The following RANBP2 variants were observed in gnomAD, a reference collection of about 807,000 sequenced individuals.
RANBP2 encodes the protein E3 SUMO-protein ligase RanBP2.
RANBP2 carries 57 observed loss-of-function variants against 303.6 expected under a neutral mutation model. The ratio of observed to expected loss-of-function variants is 0.19; its 90% CI spans 0.15 to 0.23. RANBP2 has a LOEUF of 0.23. RANBP2 is among the 10% of genes least tolerant of loss of function. The probability of loss-of-function intolerance (pLI) is 1.00; values close to 1 mark genes in which losing one functional copy is unlikely to be tolerated. For missense variants in RANBP2, 3,138 were observed against 3,780.8 expected (o/e 0.83, Z 4.46); for synonymous variants, 1,167 against 1,301.5 (o/e 0.90, Z 2.23).
Position 108,751,931 on chromosome 2 carries a change from C to A in RANBP2, c.1692C>A (p.Ala564=), listed in dbSNP as rs774713432. 3 of 1,611,852 alleles carry A rather than the reference C, an allele frequency of 1.9e-6. No individual in the cohort carries two copies. Residue 564 remains alanine (A), a synonymous_variant, in exon 12 of 29, where the codon GCC becomes GCA. Transcript: ENST00000283195. Reference sequence around the variant, plus strand: ...AGCATGAAATAAACACTCTAAGAGCCCAGGAAAAACATGGCCTTCAACCTG... The same window carrying A: ...AGCATGAAATAAACACTCTAAGAGCACAGGAAAAACATGGCCTTCAACCTG... The part of the protein sequence containing the change: ...LVQHEINTLR[A]QEKHGLQPAL...
the RANBP2 span, among the ~76,000 whole-genome samples, chr2:109,291,461 C>T: frequency 6.6e-6 from 1 of 152,132 alleles, no homozygotes; most frequent in Admixed American, 6.5e-5. Context: ...GATGGTAGGG[C>T]CAGGAGGACC....
At chr2:109,144,649 G>C in the RANBP2 span, among the ~76,000 whole-genome samples, 23 of 152,224 alleles carry the variant, frequency 1.5e-4, no homozygotes, top group Admixed American at 2.0e-4. Context: ...GATTTATTTT[G>C]GACATGACAG....
chr2:109,322,097 A>G, the RANBP2 span, among the ~76,000 whole-genome samples: 1 of 152,090 alleles, frequency 6.6e-6, no homozygotes, highest in Non-Finnish European at 1.5e-5. Flanking sequence ...AAGCGGGGAG[A>G]GGGAAAGAAT....
the RANBP2 span, among the ~76,000 whole-genome samples, chr2:109,733,557 T>C: frequency 6.6e-6 from 1 of 152,018 alleles, no homozygotes; most frequent in Admixed American, 6.6e-5. Flanking sequence ...GAATTGAAAG[T>C]TCTAGCCAGA....
At chr2:108,791,875 A>G in the RANBP2 span, 1 of 1,411,344 alleles carries the variant, frequency 7.1e-7, no homozygotes, top group Non-Finnish European at 9.5e-7. Context: ...CTTCCCTCCT[A>G]GTAATAACAC....
chr2:108,964,728 C>G, the RANBP2 span, among the ~76,000 whole-genome samples: 1 of 152,180 alleles, frequency 6.6e-6, no homozygotes, highest in Admixed American at 6.5e-5. Flanking sequence ...CTCTCCGTTA[C>G]GCCACACTCA....
the RANBP2 span, chr2:108,883,572 G>A: frequency 3.3e-5 from 5 of 152,290 alleles, no homozygotes; most frequent in African/African-American, 1.2e-4. Flanking sequence ...TTAATGAAGA[G>A]AGGATTCAGG....
chr2:109,655,944 CT>C, the RANBP2 span, among the ~76,000 whole-genome samples: 53 of 152,326 alleles, frequency 3.5e-4, no homozygotes, highest in African/African-American at 1.2e-3. Context: ...GTTTCCTCAA[CT>C]GTAAAATGAA....
At chr2:109,592,214 T>C in the RANBP2 span, among the ~76,000 whole-genome samples, 6 of 151,512 alleles carry the variant, frequency 4.0e-5, no homozygotes, top group Non-Finnish European at 7.4e-5. Context: ...CCTGTAATCC[T>C]AGCACTTTGG....
the RANBP2 span, among the ~76,000 whole-genome samples, chr2:109,050,561 A>G: frequency 1.3e-5 from 2 of 152,060 alleles, no homozygotes; most frequent in Non-Finnish European, 2.9e-5. Flanking sequence ...AGCCTTTTTT[A>G]CTTTTTAATG....
At chr2:109,449,135 C>A in the RANBP2 span, 1 of 1,599,202 alleles carries the variant, frequency 6.3e-7, no homozygotes, top group Non-Finnish European at 8.5e-7. Context: ...GCAAACTAAC[C>A]TTTCAACCTG....
chr2:108,839,016 A>G, the RANBP2 span: 1 of 241,628 alleles, frequency 4.1e-6, no homozygotes, highest in African/African-American at 2.3e-5. Flanking sequence ...GAACTAAAAT[A>G]CATATTGCCA....
the RANBP2 span, among the ~76,000 whole-genome samples, chr2:108,831,734 TTCCG>T: frequency 2.0e-5 from 3 of 151,858 alleles, no homozygotes; most frequent in Non-Finnish European, 4.4e-5. Flanking sequence ...CCTTCCTTCC[TTCCG>T]TCCTTCCTGT....
chr2:109,058,188 G>T, the RANBP2 span, among the ~76,000 whole-genome samples: 1 of 152,206 alleles, frequency 6.6e-6, no homozygotes, highest in Non-Finnish European at 1.5e-5. Flanking sequence ...CTGCATGCAG[G>T]TTGAGCAGCT....
the RANBP2 span, among the ~76,000 whole-genome samples, chr2:109,062,349 G>T: frequency 6.6e-6 from 1 of 152,170 alleles, no homozygotes; most frequent in South Asian, 2.1e-4. Context: ...AGGGAGTAAG[G>T]CTGGAATGGA....
At chr2:109,278,441 G>C in the RANBP2 span, among the ~76,000 whole-genome samples, 1 of 152,186 alleles carries the variant, frequency 6.6e-6, no homozygotes, top group South Asian at 2.1e-4. Context: ...AGTGTTGTCT[G>C]TTCAGCTAAA....
At chr2:109,058,154 G>A in the RANBP2 span, among the ~76,000 whole-genome samples, 8 of 152,170 alleles carry the variant, frequency 5.3e-5, no homozygotes, top group African/African-American at 1.9e-4. Context: ...CCTGGCAGGT[G>A]GGGACGGTCA....
the RANBP2 span, among the ~76,000 whole-genome samples, chr2:109,368,208 C>T: frequency 6.6e-6 from 1 of 152,124 alleles, no homozygotes; most frequent in East Asian, 1.9e-4. Context: ...AAGCCTTTGT[C>T]TCTCATGTAT....
At chr2:109,046,250 C>A in the RANBP2 span, among the ~76,000 whole-genome samples, 8 of 149,154 alleles carry the variant, frequency 5.4e-5, no homozygotes, top group Non-Finnish European at 1.2e-4. Flanking sequence ...GTTGCAGTGA[C>A]CCAAGATTGT....
Sources: allele counts gnomAD v4.1 joint callset (sites outside exome capture counted in the v4.1 genomes callset), GRCh38; gene constraint gnomAD v4.1.1; transcripts MANE v1.5; gene names NCBI Gene and HGNC (gene_info 2026-07-23, HGNC 2026-07-21).